CDH8: variants seen among roughly 807,000 people sequenced by gnomAD.
CDH8 encodes cadherin-8.
Under a neutral mutation model 68.1 loss-of-function variants are expected in CDH8, and 17 were observed. That is an observed-to-expected ratio of 0.25 (90% confidence interval 0.17 to 0.37). The LOEUF is 0.37. Ranked by LOEUF, CDH8 falls within the 10% of genes least tolerant of loss-of-function variation. CDH8 has a pLI of 1.00. For synonymous variants in CDH8, 372 were observed against 365.1 expected (o/e 1.02, Z -0.21); for missense variants, 763 against 999.3 (o/e 0.76, Z 3.19).
rs1165564723 is a variant in CDH8, at chr16:62,013,261, CAAAAAAAAAAAAAAAAA to C, written c.252+7874_252+7890del. 3.1e-4 allele frequency among the ~76,000 whole-genome samples: 2 copies of C among 6,404 alleles called. 1 individual carries two copies. The highest frequency in any genetic ancestry group is 0.032 in the South Asian group (2 of 62). 4.2% of individuals were successfully genotyped at this position (6,404 alleles called of 152,430 possible). On this transcript the variant is annotated intron_variant, in intron 2 of 11. Transcript: ENST00000577390. ...TGGGCGACAGAGCGAGACTCCGTCT[CAAAAAAAAAAAAAAAAA>C]AAAAAAAAAAAAAAATTAACTACTT...
At chr16:61,713,453 T>A (rs114224937) in intron 10 of CDH8, among the ~76,000 whole-genome samples, 1,573 of 151,774 alleles carry the variant, frequency 0.01, 28 homozygotes, top group African/African-American at 0.034. Flanking sequence ...TTAGAATAGC[T>A]TTCCCTAAAG....
Position 61,731,919 on chromosome 16 carries a change from G to C in CDH8, c.1415-4704C>G, listed in dbSNP as rs141982880. 4.5e-3 allele frequency among the ~76,000 whole-genome samples: 687 copies of C among 151,618 alleles called. 5 individuals are homozygous for C. The highest frequency in any genetic ancestry group is 0.017 in the Middle Eastern group (5 of 294). The stretch of plus-strand genomic sequence containing the variant: ...ATCAAGTAGAGAATATCAATAAAAA[G>C]ACAGAAATTATTAAAAAGGAAGCAA... On this transcript the variant is annotated intron_variant, in intron 8 of 11. Coordinates refer to ENST00000577390, the MANE Select transcript of CDH8 (RefSeq NM_001796.5).
At chr16:61,956,793 C>T (rs1057269563) in intron 2 of CDH8, among the ~76,000 whole-genome samples, 2 of 152,096 alleles carry the variant, frequency 1.3e-5, no homozygotes, top group Admixed American at 1.3e-4. Flanking sequence ...TACCCGGCAC[C>T]CTCAGGGATG....
chr16:61,852,799 T>C (rs1308016878), intron 4 of CDH8, among the ~76,000 whole-genome samples: 1 of 151,998 alleles, frequency 6.6e-6, no homozygotes, highest in Non-Finnish European at 1.5e-5. Context: ...TCCTCCCTGC[T>C]TCTTTTGCAC....
intron 2 of CDH8, among the ~76,000 whole-genome samples, chr16:61,909,946 T>C (rs1964131353): frequency 6.6e-6 from 1 of 152,194 alleles, no homozygotes; most frequent in African/African-American, 2.4e-5. Context: ...CTATCTTCGG[T>C]CTGGACCGCA....
chr16:61,872,674 T>C (rs1052291525), intron 3 of CDH8, among the ~76,000 whole-genome samples: 3 of 152,158 alleles, frequency 2.0e-5, no homozygotes, highest in African/African-American at 4.8e-5. Flanking sequence ...AAGAGTCCTG[T>C]CCAGCTCCCC....
chr16:61,656,129 C>A (rs1445675768), intron 10 of CDH8, among the ~76,000 whole-genome samples: 2 of 152,178 alleles, frequency 1.3e-5, no homozygotes, highest in Non-Finnish European at 2.9e-5. Flanking sequence ...GCCTAGGCCT[C>A]CCAAAGTGCT....
intron 8 of CDH8, among the ~76,000 whole-genome samples, chr16:61,774,153 A>G (rs1274082786): frequency 6.6e-6 from 1 of 152,066 alleles, no homozygotes; most frequent in Non-Finnish European, 1.5e-5. Flanking sequence ...AATACAGATC[A>G]GACCAACTGA....
intron 7 of CDH8, among the ~76,000 whole-genome samples, chr16:61,795,952 A>G (rs923477859): frequency 1.3e-5 from 2 of 151,998 alleles, no homozygotes; most frequent in African/African-American, 4.8e-5. Flanking sequence ...TTTCTCTCCT[A>G]TTTCTGTATA....
chr16:61,685,156 C>T (rs1964083423), intron 10 of CDH8, among the ~76,000 whole-genome samples: 1 of 145,022 alleles, frequency 6.9e-6, no homozygotes, highest in African/African-American at 2.5e-5. Context: ...GGAGAAAAGG[C>T]ATTGTTTTCT....
chr16:62,006,027 A>G (rs1399710944), intron 2 of CDH8, among the ~76,000 whole-genome samples: 3 of 152,180 alleles, frequency 2.0e-5, no homozygotes, highest in Admixed American at 2.0e-4. Flanking sequence ...AATGGTGAAG[A>G]GTTACCATAT....
At chr16:61,991,388 G>T (rs1162667548) in intron 2 of CDH8, among the ~76,000 whole-genome samples, 1 of 152,174 alleles carries the variant, frequency 6.6e-6, no homozygotes, top group Non-Finnish European at 1.5e-5. Flanking sequence ...GAATGTAAGT[G>T]ATCGTAACCT....
chr16:61,684,182 T>C (rs941648475), intron 10 of CDH8, among the ~76,000 whole-genome samples: 9 of 152,024 alleles, frequency 5.9e-5, no homozygotes, highest in East Asian at 1.9e-4. Context: ...CTAGCAATAA[T>C]ACCTTCTTCA....
rs1457305245 is a variant in CDH8 at position 61,651,896 on chromosome 16, C to A, written c.*1712G>T. On this transcript the variant is annotated 3_prime_UTR_variant, in exon 12 of 12. Transcript: ENST00000577390. Reference sequence around the variant, plus strand: ...TGTTTCTCTATAATAAAGAGTCTTACAAACAAAAGTGACCCTTGGGATGAT... The same window carrying A: ...TGTTTCTCTATAATAAAGAGTCTTAAAAACAAAAGTGACCCTTGGGATGAT... 2 of 175,604 alleles carry A rather than the reference C, an allele frequency of 1.1e-5. No homozygotes were observed. The highest frequency in any genetic ancestry group is 2.2e-5 in the Non-Finnish European group (2 of 89,772). 10.9% of individuals were successfully genotyped at this position (175,604 alleles called of 1,614,324 possible).
At chr16:62,020,552 T>C (rs1902049500) in intron 2 of CDH8, among the ~76,000 whole-genome samples, 2 of 152,138 alleles carry the variant, frequency 1.3e-5, no homozygotes, top group Non-Finnish European at 2.9e-5. Flanking sequence ...TTTGATTCTG[T>C]ACATTTGATT....
intron 8 of CDH8, among the ~76,000 whole-genome samples, chr16:61,754,687 A>G (rs1596935379): frequency 6.6e-6 from 1 of 152,282 alleles, no homozygotes; most frequent in Middle Eastern, 3.4e-3. Flanking sequence ...ATATACAATA[A>G]ATTATTGTTA....
intron 7 of CDH8, 58 bp from the exon 8 acceptor site, chr16:61,789,540 C>T (rs1961328835): frequency 1.4e-6 from 2 of 1,476,776 alleles, no homozygotes; most frequent in Admixed American, 2.0e-5. Context: ...ATACATTCCA[C>T]AGCAGACCTT....
intron 2 of CDH8, chr16:61,940,438 C>T (rs1339902363): frequency 4.2e-5 from 5 of 120,380 alleles, no homozygotes; most frequent in African/African-American, 1.5e-4. Context: ...CTCGCTCTGT[C>T]GTCCAGGCTG....
chr16:61,845,880 A>G (rs1597013877), intron 4 of CDH8, among the ~76,000 whole-genome samples: 1 of 152,168 alleles, frequency 6.6e-6, no homozygotes, highest in East Asian at 1.9e-4. Context: ...CTTATCCTGC[A>G]GATATCTATT....
Sources: allele counts gnomAD v4.1 joint callset (sites outside exome capture counted in the v4.1 genomes callset), GRCh38; gene constraint gnomAD v4.1.1; transcripts MANE v1.5; gene names NCBI Gene and HGNC (gene_info 2026-07-23, HGNC 2026-07-21).